PITPNM2: variants seen among roughly 807,000 people sequenced by gnomAD.
PITPNM2 encodes membrane-associated phosphatidylinositol transfer protein 2.
Under a neutral mutation model 132.2 loss-of-function variants are expected in PITPNM2, and 35 were observed. The observed-to-expected ratio is 0.26, with a 90% CI of 0.20 to 0.35. PITPNM2 has a LOEUF of 0.35. Among genes scored for constraint, PITPNM2 ranks in the 10% least tolerant of loss-of-function variants. PITPNM2 has a pLI of 1.00. For synonymous variants in PITPNM2, 738 were observed against 799.2 expected, an observed-to-expected ratio of 0.92 and a Z score of 1.29; for missense variants, 1,332 against 1,912.0, an observed-to-expected ratio of 0.70 and a Z score of 5.66.
chr12:123,005,074 G>A lies in PITPNM2; in HGVS notation c.952+166C>T, dbSNP rs758067975. 5.9e-5 allele frequency among the ~76,000 whole-genome samples: 9 copies of A among 152,212 alleles called. No homozygotes were observed. The highest frequency in any genetic ancestry group is 1.0e-4 in the Non-Finnish European group (7 of 68,026). On this transcript the variant is annotated intron_variant, in intron 7 of 25. Coordinates refer to ENST00000320201, the MANE Select transcript of PITPNM2 (RefSeq NM_020845.3). This position sits in a 1 kb window ranked among gnomAD's most constrained non-coding sequence, Gnocchi z 6.2. ...GGGAGCCCACTGGGGCAGGGCCCAGGCTTCCCTGTGTGCGAGGACTAGCCC... is the reference window on the plus strand; with the variant it reads ...GGGAGCCCACTGGGGCAGGGCCCAGACTTCCCTGTGTGCGAGGACTAGCCC...
Position 122,990,664 on chromosome 12 carries a change from G to T in PITPNM2, c.2450C>A (p.Ala817Asp). Reference protein sequence around the residue: ...THNAAFQEHGAPSSPGTAPAS... With the variant: ...THNAAFQEHGDPSSPGTAPAS... The stretch of plus-strand genomic sequence containing the variant: ...AGGGGCAGTGCCCGGCGAGGAGGGG[G>T]CGCCATGCTCTTGGAAGGCTGCATT... Residue 817 changes from alanine (A) to aspartate (D), a missense_variant, in exon 17 of 26, where the codon GCC becomes GAC. Transcript: ENST00000320201. 2.5e-6 allele frequency: 4 copies of T among 1,611,848 alleles called. No individual in the cohort carries two copies. Among genetic ancestry groups the T allele is most frequent in the Non-Finnish European group, 2.5e-6 (3 of 1,179,884 alleles).
At chr12:123,068,194 A>ACGGCCGGGTG (rs141138502) in intron 2 of PITPNM2, among the ~76,000 whole-genome samples, 2,155 of 151,750 alleles carry the variant, frequency 0.014, 23 homozygotes, top group Non-Finnish European at 0.025. Context: ...ACGGCCGGGC[A>ACGGCCGGGTG]CGGTGGCTCA....
intron 1 of PITPNM2, among the ~76,000 whole-genome samples, chr12:123,134,013 G>A (rs1292787464): frequency 6.6e-6 from 1 of 152,050 alleles, no homozygotes; most frequent in African/African-American, 2.4e-5. Context: ...CATAGAGACT[G>A]AGGGATAGGC....
In PITPNM2 at chr12:122,994,117, G is replaced by A. The variant is rs112077302; in HGVS notation, c.2233+684C>T. 1.3e-5 allele frequency among the ~76,000 whole-genome samples: 2 copies of A among 152,174 alleles called. No homozygotes were observed. Among genetic ancestry groups the A allele is most frequent in the African/African-American group, 2.4e-5 (1 of 41,516 alleles). On this transcript the variant is annotated intron_variant, in intron 15 of 25. Transcript: ENST00000320201. The surrounding 1 kb of genome is among the most constrained non-coding windows in gnomAD (Gnocchi z 5.4). ...TCAAACTCCTGACCTCAGCTGATCC[G>A]CCCGCCTCGGCCTCCCAAAGTGCTG...
intron 1 of PITPNM2, among the ~76,000 whole-genome samples, chr12:123,122,178 A>T (rs764536537): frequency 2.0e-5 from 3 of 152,098 alleles, no homozygotes; most frequent in Admixed American, 6.6e-5. Flanking sequence ...AATGATGTCA[A>T]TTGGCCTGGT....
Position 122,992,182 on chromosome 12 carries a change from T to C in PITPNM2, c.2404+317A>G, listed in dbSNP as rs2038219101. On this transcript the variant is annotated intron_variant, in intron 16 of 25. Coordinates refer to ENST00000320201, the MANE Select transcript of PITPNM2 (RefSeq NM_020845.3). This position sits in a 1 kb window ranked among gnomAD's most constrained non-coding sequence, Gnocchi z 6.5. Reference sequence around the variant, plus strand: ...TGCTGGGTCCTTAGCTCTGTCTCTGTTGGGATGGAGGCTCAGCTGTGGAGA... The same window carrying C: ...TGCTGGGTCCTTAGCTCTGTCTCTGCTGGGATGGAGGCTCAGCTGTGGAGA... Among the ~76,000 whole-genome samples, 1 of 152,078 alleles carries C rather than the reference T, an allele frequency of 6.6e-6. No homozygotes were observed.
intron 1 of PITPNM2, among the ~76,000 whole-genome samples, chr12:123,144,997 G>A (rs1011249875): frequency 7.9e-5 from 12 of 152,190 alleles, no homozygotes; most frequent in African/African-American, 2.9e-4. Context: ...CTAACTCAGT[G>A]TTTGAAGAGG....
chr12:123,067,294 A>C (rs1046238135), intron 2 of PITPNM2, among the ~76,000 whole-genome samples: 1 of 152,182 alleles, frequency 6.6e-6, no homozygotes, highest in African/African-American at 2.4e-5. Flanking sequence ...CGTCTCTACC[A>C]AAAATACAAA....
chr12:123,011,518 A>C (rs997986082), intron 5 of PITPNM2, among the ~76,000 whole-genome samples: 1 of 152,158 alleles, frequency 6.6e-6, no homozygotes, highest in African/African-American at 2.4e-5. Context: ...CCCAATTCCT[A>C]CGCTGACGTA....
At chr12:123,101,768 C>T (rs1347465224) in intron 2 of PITPNM2, among the ~76,000 whole-genome samples, 1 of 152,140 alleles carries the variant, frequency 6.6e-6, no homozygotes, top group Non-Finnish European at 1.5e-5. Context: ...GTTCTAAAAC[C>T]CACCACCAGT....
chr12:123,002,407 AT>A (rs2038736201), intron 8 of PITPNM2, among the ~76,000 whole-genome samples: 1 of 152,132 alleles, frequency 6.6e-6, no homozygotes, highest in South Asian at 2.1e-4. Context: ...CATTTTTAAA[AT>A]TTCTTATATA....
In PITPNM2 at chr12:123,034,061, G is replaced by A. The variant is rs61685353; in HGVS notation, c.78+452C>T. 6.5e-3 allele frequency among the ~76,000 whole-genome samples: 990 copies of A among 152,322 alleles called. 14 individuals carry two copies. Among genetic ancestry groups the A allele is most frequent in the African/African-American group, 0.022 (934 of 41,562 alleles). On this transcript the variant is annotated intron_variant, in intron 3 of 25. Transcript: ENST00000320201. ...GGAAACAGGGAGAAGGCGCCCATGT[G>A]CAAGCCAGGAAGAGGGCCCTCACCA...
chr12:122,990,061 C>T (rs1295187973), intron 17 of PITPNM2, 113 bp from the exon 18 acceptor site: 16 of 916,050 alleles, frequency 1.7e-5, no homozygotes, highest in Admixed American at 1.1e-4. Context: ...CTATCAAGGG[C>T]GAGCCCATTG....
chr12:123,100,340 C>T (rs1424487135), intron 2 of PITPNM2, among the ~76,000 whole-genome samples: 4 of 152,188 alleles, frequency 2.6e-5, no homozygotes, highest in African/African-American at 9.6e-5. Flanking sequence ...AAAACTTGTA[C>T]ACAAGCTGGG....
At chr12:123,114,620 G>A (rs960683127) in intron 1 of PITPNM2, among the ~76,000 whole-genome samples, 4 of 151,920 alleles carry the variant, frequency 2.6e-5, no homozygotes, top group African/African-American at 9.7e-5. Flanking sequence ...GAGGAGTCCT[G>A]GAGGTAGGTA....
chr12:123,011,692 T>C (rs1420949892), intron 5 of PITPNM2, among the ~76,000 whole-genome samples: 1 of 151,998 alleles, frequency 6.6e-6, no homozygotes, highest in African/African-American at 2.4e-5. Flanking sequence ...GGAGTGACCA[T>C]GTGACGAACG....
At chr12:123,127,694 CT>C (rs2043172135) in intron 1 of PITPNM2, among the ~76,000 whole-genome samples, 1 of 151,418 alleles carries the variant, frequency 6.6e-6, no homozygotes, top group South Asian at 2.1e-4. Flanking sequence ...ACGGCAACCT[CT>C]GCCTCCCGGG....
Position 123,005,046 on chromosome 12 carries a change from TTGGGGAGCCCAC to T in PITPNM2, c.952+182_952+193del, listed in dbSNP as rs1353847373. Among the ~76,000 whole-genome samples, 4 of 151,886 alleles carry T rather than the reference TTGGGGAGCCCAC, an allele frequency of 2.6e-5. No individual in the cohort carries two copies. The highest frequency in any genetic ancestry group is 6.5e-5 in the Admixed American group (1 of 15,274). ...CTTCCCTGGGCATGGAGGGGAAGTG[TTGGGGAGCCCAC>T]TGGGGCAGGGCCCAGGCTTCCCTGT... On this transcript the variant is annotated intron_variant, in intron 7 of 25. Coordinates refer to ENST00000320201, the MANE Select transcript of PITPNM2 (RefSeq NM_020845.3). This position sits in a 1 kb window ranked among gnomAD's most constrained non-coding sequence, Gnocchi z 6.2.
chr12:123,045,174 T>C (rs533271080), intron 2 of PITPNM2, among the ~76,000 whole-genome samples: 3 of 152,300 alleles, frequency 2.0e-5, no homozygotes, highest in East Asian at 1.9e-4. Context: ...CATTCAAACA[T>C]GCAAGTTATA....
Sources: allele counts gnomAD v4.1 joint callset (sites outside exome capture counted in the v4.1 genomes callset), GRCh38; gene constraint gnomAD v4.1.1; non-coding constraint Gnocchi (gnomAD v3.1); transcripts MANE v1.5; gene names NCBI Gene and HGNC (gene_info 2026-07-23, HGNC 2026-07-21).